The following IGF2 variants were observed in gnomAD, a reference collection of about 807,000 sequenced individuals.
The protein encoded by IGF2 is insulin like growth factor 2, also known as insulin-like growth factor 2.
In IGF2, 2 loss-of-function variants were observed where a neutral mutation model predicts 12.0. The observed-to-expected ratio is 0.17, with a 90% CI of 0.07 to 0.52. The LOEUF is 0.52. Among genes scored for constraint, IGF2 ranks in the 20% least tolerant of loss-of-function variants. IGF2 has a pLI of 0.95. For synonymous variants in IGF2, 105 were observed against 110.1 expected (o/e 0.95, Z 0.29); for missense variants, 211 against 268.0 (o/e 0.79, Z 1.48).
At chr11:2,144,060 C>G (rs1481512586), upstream of IGF2, among the ~76,000 whole-genome samples, 1 of 149,904 alleles carries the variant, frequency 6.7e-6, no homozygotes, top group Admixed American at 6.6e-5. Context: ...GCTTTTCGTT[C>G]TTTGGGGTTT....
At chr11:2,140,874 C>A (rs1168373571), upstream of IGF2, 1 of 363,378 alleles carries the variant, frequency 2.8e-6, no homozygotes, top group Admixed American at 3.7e-5. Context: ...CTGGAGGCTG[C>A]GTCCGCGGGC....
chr11:2,135,280 T>G, intron 2 of IGF2, 87 bp downstream of exon 2: 1 of 1,231,958 alleles, frequency 8.1e-7, no homozygotes, highest in Non-Finnish European at 1.1e-6. Context: ...GACCTAGGAG[T>G]GTGCTCCCCT....
rs1858454299 is a variant in IGF2 at position 2,130,391 on chromosome 11, A to AC, written c.*2595dup. ...TGGCCAGTGCCCCCCAGGAGGCTCC[A>AC]CCCTCAACTCAACCCAAGCAACAGG... On this transcript the variant is annotated 3_prime_UTR_variant, in exon 4 of 4. Transcript: ENST00000416167. 1 of 227,804 alleles carries AC rather than the reference A, an allele frequency of 4.4e-6. No individual in the cohort carries two copies. The highest frequency in any genetic ancestry group is 8.7e-6 in the Non-Finnish European group (1 of 114,846). The allele number at this position is 227,804 out of a possible 1,614,324, so 14.1% of individuals were successfully genotyped here. A position where few individuals can be genotyped will look rare whatever the true frequency, so the allele number is the denominator to read the frequency against.
the IGF2 span, chr11:2,148,632 T>C: frequency 4.2e-4 from 67 of 161,150 alleles, no homozygotes; most frequent in Non-Finnish European, 7.9e-4. This position sits in a 1 kb window ranked among gnomAD's most constrained non-coding sequence, Gnocchi z 4.3. Flanking sequence ...TGTAAAATGG[T>C]GTATATATGT....
chr11:2,138,169 C>T, intron 1 of IGF2, 60 bp downstream of exon 1: 1 of 963,954 alleles, frequency 1.0e-6, no homozygotes, highest in Non-Finnish European at 1.2e-6. Flanking sequence ...GGCCGGGCGT[C>T]CGGCGCAAGC....
At chr11:2,136,528 C>G (rs916574232) in intron 1 of IGF2, among the ~76,000 whole-genome samples, 5 of 152,248 alleles carry the variant, frequency 3.3e-5, no homozygotes, top group Non-Finnish European at 7.3e-5. Context: ...CCGGGAGCCA[C>G]CACAGCAAGT....
rs1412749368 is a variant in IGF2, at chr11:2,132,332, A to C, written c.*655T>G. The C allele has an allele frequency of 5.2e-6, 1 of 191,384 alleles. No individual in the cohort carries two copies. The highest frequency in any genetic ancestry group is 1.9e-4 in the South Asian group (1 of 5,150). 11.9% of individuals were successfully genotyped at this position (191,384 alleles called of 1,614,324 possible). ...GGGTTGTTGCTATTTTCGGATGGCC[A>C]GTTTACCCTGAAAATTCCCGTGAGA... On this transcript the variant is annotated 3_prime_UTR_variant, in exon 4 of 4. Coordinates refer to ENST00000416167, the MANE Select transcript of IGF2 (RefSeq NM_000612.6).
Position 2,130,577 on chromosome 11 carries a change from TA to T in IGF2, c.*2409del, listed in dbSNP as rs1198259122. 4.5e-3 allele frequency: 399 copies of T among 89,332 alleles called. No individual in the cohort carries two copies. The highest frequency in any genetic ancestry group is 6.2e-3 in the Non-Finnish European group (289 of 46,424). 5.5% of individuals were successfully genotyped at this position (89,332 alleles called of 1,614,324 possible). A position where few individuals can be genotyped will look rare whatever the true frequency, so the allele number is the denominator to read the frequency against. ...CTGAGCGCATAAAGCTAAGGAGGGG[TA>T]AAAAAAAAACAAAAAAAAAAAAAAA... On this transcript the variant is annotated 3_prime_UTR_variant, in exon 4 of 4. Transcript: ENST00000416167.
At chr11:2,142,220 A>C (rs1859642430), upstream of IGF2, among the ~76,000 whole-genome samples, 1 of 150,660 alleles carries the variant, frequency 6.6e-6, no homozygotes, top group Non-Finnish European at 1.5e-5. This position sits in a 1 kb window ranked among gnomAD's most constrained non-coding sequence, Gnocchi z 5.7. Context: ...AAAAAAAAAA[A>C]CCTCAATTGT....
chr11:2,140,277 T>TG, upstream of IGF2: 1 of 1,612,666 alleles, frequency 6.2e-7, no homozygotes, highest in Non-Finnish European at 8.5e-7. Context: ...CACGATAATT[T>TG]GGGGGTCTGG....
chr11:2,142,692 C>T (rs1268447507), upstream of IGF2, among the ~76,000 whole-genome samples: 1 of 152,166 alleles, frequency 6.6e-6, no homozygotes, highest in Non-Finnish European at 1.5e-5. The surrounding 1 kb of genome is among the most constrained non-coding windows in gnomAD (Gnocchi z 5.7). Flanking sequence ...TTATGAAGCT[C>T]CTGGGACCCA....
upstream of IGF2, chr11:2,140,872 T>C (rs1420751325): frequency 2.7e-6 from 1 of 364,404 alleles, no homozygotes. Context: ...AGCTGGAGGC[T>C]GCGTCCGCGG....
At position 2,133,392 on chromosome 11, in the gene IGF2, G is replaced by A; in HGVS notation, c.306+125C>T. On this transcript the variant is annotated intron_variant, in intron 3 of 3. Transcript: ENST00000416167. This position sits in a 1 kb window ranked among gnomAD's most constrained non-coding sequence, Gnocchi z 8.9. Reference sequence around the variant, plus strand: ...GTCTGAGCTGCTCCCGGGCCACACAGCAAGCAAGGAAGTCACGGGTCCTTG... The same window carrying A: ...GTCTGAGCTGCTCCCGGGCCACACAACAAGCAAGGAAGTCACGGGTCCTTG... The A allele has an allele frequency of 8.5e-7, 1 of 1,173,672 alleles. No individual in the cohort carries two copies. Among genetic ancestry groups the A allele is most frequent in the Non-Finnish European group, 1.2e-6 (1 of 844,166 alleles). The allele number at this position is 1,173,672 out of a possible 1,614,324, so 72.7% of individuals were successfully genotyped here.
upstream of IGF2, among the ~76,000 whole-genome samples, chr11:2,142,774 A>G (rs1175749602): frequency 1.3e-5 from 2 of 152,220 alleles, no homozygotes; most frequent in African/African-American, 4.8e-5. This position sits in a 1 kb window ranked among gnomAD's most constrained non-coding sequence, Gnocchi z 5.7. Context: ...TGGGGCCGTT[A>G]GCAACACCTG....
intron 1 of IGF2, chr11:2,137,256 GTC>G: frequency 1.0e-6 from 1 of 995,504 alleles, no homozygotes; most frequent in Non-Finnish European, 1.2e-6. Flanking sequence ...GAAGCTGGAA[GTC>G]TCTTTCACAG....
At position 2,135,510 on chromosome 11, in the gene IGF2, A is replaced by G. The variant is rs757907236; in HGVS notation, c.14T>C (p.Met5Thr). The G allele has an allele frequency of 1.2e-6, 2 of 1,613,510 alleles. No individual in the cohort carries two copies. Among genetic ancestry groups the G allele is most frequent in the Non-Finnish European group, 1.7e-6 (2 of 1,179,788 alleles). ...GAGAAGCACCAGCATCGACTTCCCC[A>G]TTGGGATTCCCATTGGTGTCTGGGG... The part of the protein sequence containing the change: MGIP[M>T]GKSMLVLLTF... The change falls in exon 2 of 4, where the codon ATG becomes ACG. Residue 5 changes from methionine to threonine, a missense_variant. Met to Thr is a moderately conservative substitution (Grantham distance 81). This residue lies in a region of IGF2 where 40 missense variants were observed against 35.7 expected (regional missense o/e 1.12). Transcript: ENST00000416167.
chr11:2,135,635 T>C lies in IGF2; in HGVS notation c.-6-106A>G, dbSNP rs907382123. 11 of 933,048 alleles carry C rather than the reference T, an allele frequency of 1.2e-5. No individual in the cohort carries two copies. In the African/African-American group the frequency reaches 1.5e-4, roughly 13 times the overall value. The allele number at this position is 933,048 out of a possible 1,614,324, so 57.8% of individuals were successfully genotyped here. On this transcript the variant is annotated intron_variant, in intron 1 of 3. Transcript: ENST00000416167. Reference sequence around the variant, plus strand: ...GCCAACCTACAAATTCAGTTGAAAATTGAAAGCACGGCTTTCCTATAAACA... The same window carrying C: ...GCCAACCTACAAATTCAGTTGAAAACTGAAAGCACGGCTTTCCTATAAACA...
chr11:2,131,861 CTG>C lies in IGF2; in HGVS notation c.*1124_*1125del, dbSNP rs1432661995. 14 of 126,782 alleles carry C rather than the reference CTG, an allele frequency of 1.1e-4. No individual in the cohort carries two copies. Among genetic ancestry groups the C allele is most frequent in the East Asian group, 1.0e-3 (8 of 7,824 alleles). The allele number at this position is 126,782 out of a possible 1,614,324, so 7.9% of individuals were successfully genotyped here. On this transcript the variant is annotated 3_prime_UTR_variant, in exon 4 of 4. Coordinates refer to ENST00000416167, the MANE Select transcript of IGF2 (RefSeq NM_000612.6). ...TGTGTGCTGTGTGCTCGTGTGTGTG[CTG>C]TGTGTGCGTGTGTGCTGTGCGTTTG...
At chr11:2,147,825 G>C in the IGF2 span, 481 of 1,243,212 alleles carry the variant, frequency 3.9e-4, 1 homozygote, top group South Asian at 5.3e-4. This position sits in a 1 kb window ranked among gnomAD's most constrained non-coding sequence, Gnocchi z 7.2. Flanking sequence ...AAAACAAAAA[G>C]ATATTGCTGA....
Sources: allele counts gnomAD v4.1 joint callset (sites outside exome capture counted in the v4.1 genomes callset), GRCh38; gene constraint gnomAD v4.1.1; regional missense constraint gnomAD v4.1.1; non-coding constraint Gnocchi (gnomAD v3.1); transcripts MANE v1.5; gene names NCBI Gene and HGNC (gene_info 2026-07-23, HGNC 2026-07-21).